The following ERGIC1 variants were observed in gnomAD, a reference collection of about 807,000 sequenced individuals.
ERGIC1 encodes the protein endoplasmic reticulum-Golgi intermediate compartment protein 1.
ERGIC1 carries 19 observed loss-of-function variants against 38.3 expected under a neutral mutation model. The ratio of observed to expected loss-of-function variants is 0.50; its 90% CI spans 0.35 to 0.73. The LOEUF is 0.73. Ranked by LOEUF, ERGIC1 falls within the 30% of genes least tolerant of loss-of-function variation. The pLI, the probability that ERGIC1 is intolerant of heterozygous loss-of-function variation, is 0.01. For missense variants in ERGIC1, 294 were observed against 389.2 expected (o/e 0.76, Z 2.06); for synonymous variants, 124 against 157.6 (o/e 0.79, Z 1.60).
rs528836877 is a variant in ERGIC1 at position 172,903,914 on chromosome 5, C to A, written c.156-5753C>A. ...GGCTTCCCCTGCACTGCTGTATTTT[C>A]TTTACCAAGAAGGGTGTGGAATCGG... On this transcript the variant is annotated intron_variant, in intron 3 of 9. Coordinates refer to ENST00000393784, the MANE Select transcript of ERGIC1 (RefSeq NM_001031711.3). Among the ~76,000 whole-genome samples, 13 of 151,528 alleles carry A rather than the reference C, an allele frequency of 8.6e-5. No homozygotes were observed. The East Asian group carries it at 2.7e-3, about 31-fold the overall frequency.
intron 8 of ERGIC1, chr5:172,934,796 T>A (rs894954871): frequency 3.7e-6 from 1 of 272,092 alleles, no homozygotes; most frequent in Non-Finnish European, 7.4e-6. Flanking sequence ...CAGCCAGCCA[T>A]GGGCCACCAC....
chr5:172,888,320 C>T (rs1177750430), intron 1 of ERGIC1, among the ~76,000 whole-genome samples: 2 of 152,068 alleles, frequency 1.3e-5, no homozygotes, highest in Non-Finnish European at 2.9e-5. Context: ...ATTAGCCAGG[C>T]ATGGTGGCAC....
intron 2 of ERGIC1, among the ~76,000 whole-genome samples, chr5:172,893,935 G>GTGTGTATATATATA (rs1429850022): frequency 2.3e-5 from 1 of 42,828 alleles, no homozygotes; most frequent in Non-Finnish European, 4.6e-5. Flanking sequence ...GTGTGTGTGT[G>GTGTGTATATATATA]TATATATATA....
intron 3 of ERGIC1, chr5:172,897,861 C>T (rs146290438): frequency 4.3e-5 from 18 of 414,196 alleles, no homozygotes; most frequent in African/African-American, 3.3e-4. Context: ...GGAATCGGTG[C>T]AGGCTTCCTG....
At chr5:172,847,260 G>A (rs926095472) in intron 1 of ERGIC1, among the ~76,000 whole-genome samples, 17 of 152,090 alleles carry the variant, frequency 1.1e-4, no homozygotes, top group African/African-American at 4.1e-4. Context: ...TCAAGATGTG[G>A]GGCCATCACT....
At chr5:172,853,777 C>T (rs895537771) in intron 1 of ERGIC1, among the ~76,000 whole-genome samples, 1 of 152,222 alleles carries the variant, frequency 6.6e-6, no homozygotes, top group African/African-American at 2.4e-5. Flanking sequence ...GGGGCAATTG[C>T]ATCAGCTTCC....
rs539166229 is a variant in ERGIC1, at chr5:172,908,057, G to T, written c.156-1610G>T. 1.7e-3 allele frequency among the ~76,000 whole-genome samples: 259 copies of T among 151,754 alleles called. 2 individuals are homozygous for T. Among genetic ancestry groups the T allele is most frequent in the African/African-American group, 6.0e-3 (249 of 41,366 alleles). ...GCCCCTAAATATGGCCGATGCGGTCGACAGAATAATGACCCCCTGCCCCCT... is the reference window on the plus strand; with the variant it reads ...GCCCCTAAATATGGCCGATGCGGTCTACAGAATAATGACCCCCTGCCCCCT... On this transcript the variant is annotated intron_variant, in intron 3 of 9. Coordinates refer to ENST00000393784, the MANE Select transcript of ERGIC1 (RefSeq NM_001031711.3).
intron 9 of ERGIC1, chr5:172,935,649 T>G (rs1336549032): frequency 4.4e-6 from 1 of 224,900 alleles, no homozygotes; most frequent in Non-Finnish European, 8.9e-6. Context: ...TAGCAGAGTT[T>G]ATCCTTTAAT....
chr5:172,906,495 A>T (rs1326506137), intron 3 of ERGIC1, among the ~76,000 whole-genome samples: 1 of 152,134 alleles, frequency 6.6e-6, no homozygotes, highest in East Asian at 1.9e-4. Flanking sequence ...GTCTCTGGGA[A>T]TATCCTTGTG....
intron 3 of ERGIC1, among the ~76,000 whole-genome samples, chr5:172,908,532 C>T (rs893881115): frequency 6.0e-5 from 9 of 150,730 alleles, no homozygotes; most frequent in African/African-American, 1.5e-4. Context: ...GCCGAGATCG[C>T]GCCACTGCAC....
rs903458306 is a variant in ERGIC1, at chr5:172,942,185, C to T, written c.765+6875C>T. On this transcript the variant is annotated intron_variant, in intron 9 of 9. Transcript: ENST00000393784. ...CTCTAGCCTGGGCGACAGAGCAAGA[C>T]TCCGTCTCAAAAAATAATAATAATA... is the stretch of plus-strand genomic sequence containing the variant. 2.0e-5 allele frequency among the ~76,000 whole-genome samples: 3 copies of T among 152,212 alleles called. No individual in the cohort carries two copies. In the South Asian group the frequency reaches 6.2e-4, roughly 32 times the overall value.
At chr5:172,891,207 C>G (rs1274979997) in intron 2 of ERGIC1, among the ~76,000 whole-genome samples, 1 of 152,118 alleles carries the variant, frequency 6.6e-6, no homozygotes, top group Non-Finnish European at 1.5e-5. Context: ...AGAAGCTGTG[C>G]AGCTTTGTGC....
chr5:172,917,996 C>T (rs7719807), intron 5 of ERGIC1: 77,032 of 152,046 alleles, frequency 0.51, 21,267 homozygotes, highest in African/African-American at 0.72. Context: ...AAACCCTGTA[C>T]CTACAAAAAA....
rs183353870 is a variant in ERGIC1 at position 172,852,266 on chromosome 5, C to T, written c.20+17833C>T. Among the ~76,000 whole-genome samples the T allele has an allele frequency of 3.7e-3, 570 of 152,272 alleles. 9 individuals are homozygous for T. Among genetic ancestry groups the T allele is most frequent in the Non-Finnish European group, 2.9e-3 (200 of 68,018 alleles). ...AGAGTGAGGCCCAGAGGCAGCTTTT[C>T]GTTTTCCAAAACGCAGGCAGGGTCT... On this transcript the variant is annotated intron_variant, in intron 1 of 9. Coordinates refer to ENST00000393784, the MANE Select transcript of ERGIC1 (RefSeq NM_001031711.3).
At chr5:172,936,880 TC>T (rs1763896565) in intron 9 of ERGIC1, 1 of 152,136 alleles carries the variant, frequency 6.6e-6, no homozygotes, top group African/African-American at 2.4e-5. Flanking sequence ...GCACCTGTAG[TC>T]CCAGCTACTT....
At chr5:172,948,737 G>T (rs1473098024) in intron 9 of ERGIC1, among the ~76,000 whole-genome samples, 3 of 152,184 alleles carry the variant, frequency 2.0e-5, no homozygotes, top group Non-Finnish European at 2.9e-5. Context: ...AGATGCTCAA[G>T]AGGAAAATAT....
At chr5:172,856,364 T>C (rs1464382558) in intron 1 of ERGIC1, among the ~76,000 whole-genome samples, 2 of 152,202 alleles carry the variant, frequency 1.3e-5, no homozygotes, top group Non-Finnish European at 2.9e-5. Flanking sequence ...CATGGAACAG[T>C]GCTTGACTGG....
intron 5 of ERGIC1, among the ~76,000 whole-genome samples, chr5:172,919,839 T>C (rs1003001367): frequency 2.0e-5 from 3 of 152,158 alleles, no homozygotes; most frequent in African/African-American, 7.2e-5. Flanking sequence ...CCTTCTCTGG[T>C]CAGGGGAGTG....
intron 1 of ERGIC1, among the ~76,000 whole-genome samples, chr5:172,866,801 C>G (rs910031784): frequency 6.6e-6 from 1 of 152,350 alleles, no homozygotes; most frequent in Admixed American, 6.5e-5. Flanking sequence ...AGGGGCCTTC[C>G]CCGATGCTTA....
Sources: gnomAD v4.1 joint callset for allele counts (sites outside exome capture counted in the v4.1 genomes callset) on GRCh38, gnomAD v4.1.1 for gene constraint, MANE v1.5 for transcripts, NCBI Gene and HGNC (gene_info 2026-07-23, HGNC 2026-07-21) for gene names.